Variants in XPO4 observed in about 807,000 individuals in gnomAD.
XPO4 encodes the protein exportin-4.
Under a neutral mutation model 143.0 loss-of-function variants are expected in XPO4, and 39 were observed. The ratio of observed to expected loss-of-function variants is 0.27; its 90% CI spans 0.21 to 0.36. The LOEUF (loss-of-function observed/expected upper bound fraction) is 0.36, where lower values mean the gene tolerates loss of function less well. Among genes scored for constraint, XPO4 ranks in the 10% least tolerant of loss-of-function variants. XPO4 has a pLI of 1.00. For synonymous variants in XPO4, 439 were observed against 474.0 expected (o/e 0.93, Z 0.96); for missense variants, 907 against 1,348.0 (o/e 0.67, Z 5.12).
intron 22 of XPO4, among the ~76,000 whole-genome samples, chr13:20,784,970 T>C (rs1302241707): frequency 2.0e-5 from 3 of 152,022 alleles, no homozygotes; most frequent in Non-Finnish European, 2.9e-5. Context: ...TGGGTTCAAG[T>C]GATCCTCCTA....
At chr13:20,896,452 T>A (rs1255747172) in intron 1 of XPO4, among the ~76,000 whole-genome samples, 1 of 152,216 alleles carries the variant, frequency 6.6e-6, no homozygotes, top group Non-Finnish European at 1.5e-5. Flanking sequence ...AAATGGTGCA[T>A]GTTTCTTATC....
chr13:20,852,585 T>C, intron 4 of XPO4: 1 of 979,534 alleles, frequency 1.0e-6, no homozygotes, highest in Non-Finnish European at 1.2e-6. Context: ...TATTTGGTAA[T>C]ATTATATTTG....
intron 6 of XPO4, among the ~76,000 whole-genome samples, chr13:20,841,701 GGAA>G (rs1169332307): frequency 6.6e-6 from 1 of 151,902 alleles, no homozygotes; most frequent in Non-Finnish European, 1.5e-5. Flanking sequence ...AAGTTTAAAT[GGAA>G]GAAGGAGTTA....
chr13:20,853,354 A>T (rs2060110126), intron 4 of XPO4, among the ~76,000 whole-genome samples: 1 of 151,136 alleles, frequency 6.6e-6, no homozygotes, highest in Non-Finnish European at 1.5e-5. Context: ...AAAAAAAAAT[A>T]GCTTCCTACC....
intron 1 of XPO4, among the ~76,000 whole-genome samples, chr13:20,895,849 T>C (rs2060564024): frequency 6.6e-6 from 1 of 152,180 alleles, no homozygotes; most frequent in Non-Finnish European, 1.5e-5. Flanking sequence ...AAGAGTTCCA[T>C]AAAATTCCAT....
chr13:20,827,260 A>G lies in XPO4; in HGVS notation c.728-81T>C, dbSNP rs899860612. On this transcript the variant is annotated intron_variant, in intron 6 of 22. Transcript: ENST00000255305. ...GTATATCCTAAATATAACAGGAGCC[A>G]TCTAGAAAGAATTTGTAATGGTAAC... 7.1e-6 allele frequency: 7 copies of G among 987,368 alleles called. No homozygotes were observed. In the African/African-American group the frequency reaches 1.1e-4, roughly 16 times the overall value. The allele number at this position is 987,368 out of a possible 1,614,324, so 61.2% of individuals were successfully genotyped here. A position where few individuals can be genotyped will look rare whatever the true frequency, so the allele number is the denominator to read the frequency against.
intron 16 of XPO4, among the ~76,000 whole-genome samples, chr13:20,798,673 T>C (rs910846984): frequency 1.3e-5 from 2 of 151,908 alleles, no homozygotes; most frequent in African/African-American, 4.8e-5. Flanking sequence ...AAGACAACAT[T>C]TGTAAAATAA....
intron 4 of XPO4, among the ~76,000 whole-genome samples, chr13:20,853,658 A>G (rs1392332588): frequency 6.6e-6 from 1 of 152,246 alleles, no homozygotes; most frequent in Non-Finnish European, 1.5e-5. Context: ...ATTAAATTTC[A>G]CAATACTAAG....
intron 1 of XPO4, 106 bp from the exon 2 acceptor site, chr13:20,868,807 C>T (rs2060266347): frequency 4.6e-6 from 4 of 877,728 alleles, no homozygotes; most frequent in Admixed American, 2.7e-5. Flanking sequence ...TTTTGGGGGG[C>T]AAGAGGAACA....
At chr13:20,868,442 T>C (rs2138134349) in intron 2 of XPO4, 154 bp downstream of exon 2, 1 of 1,191,634 alleles carries the variant, frequency 8.4e-7, no homozygotes. Context: ...CAGAATATCT[T>C]TAAAGCTACT....
chr13:20,846,295 A>G (rs2060028335), intron 4 of XPO4, among the ~76,000 whole-genome samples: 1 of 152,234 alleles, frequency 6.6e-6, no homozygotes, highest in Admixed American at 6.5e-5. Context: ...TTTCACATGA[A>G]ACAAACATTT....
At position 20,839,339 on chromosome 13, in the gene XPO4, T is replaced by C. The variant is rs1360848716; in HGVS notation, c.727+3556A>G. ...GCTATGTCTAGAATAGGTAAATGCA[T>C]AGACAGAAAGTGGTTGCTACGGACT... On this transcript the variant is annotated intron_variant, in intron 6 of 22. Coordinates refer to ENST00000255305, the MANE Select transcript of XPO4 (RefSeq NM_022459.5). Among the ~76,000 whole-genome samples the C allele has an allele frequency of 4.7e-4, 71 of 152,196 alleles. 1 individual carries two copies. Among genetic ancestry groups the C allele is most frequent in the Admixed American group, 4.6e-3 (71 of 15,278 alleles).
At position 20,800,147 on chromosome 13, in the gene XPO4, T is replaced by C. The variant is rs1176616291; in HGVS notation, c.2147+9A>G. The C allele has an allele frequency of 6.2e-7, 1 of 1,613,628 alleles. No individual in the cohort carries two copies. The highest frequency in any genetic ancestry group is 1.7e-5 in the Admixed American group (1 of 59,986). ...TACACACACAGTCAGCCTCCAACAA[T>C]GGGCTAACCTTTCTCTTCTTTCCAC... is the stretch of plus-strand genomic sequence containing the variant. On this transcript the variant is annotated intron_variant, in intron 15 of 22. Coordinates refer to ENST00000255305, the MANE Select transcript of XPO4 (RefSeq NM_022459.5).
chr13:20,887,994 G>A (rs999558652), intron 1 of XPO4, among the ~76,000 whole-genome samples: 3 of 151,868 alleles, frequency 2.0e-5, no homozygotes, highest in African/African-American at 7.3e-5. Context: ...GGCCAACATG[G>A]CAAAACCCTG....
At chr13:20,865,181 G>A (rs961400151) in intron 2 of XPO4, among the ~76,000 whole-genome samples, 4 of 146,636 alleles carry the variant, frequency 2.7e-5, no homozygotes. Flanking sequence ...TCTTGTTACT[G>A]AGACTAGAAT....
In XPO4 at chr13:20,848,649, C is replaced by T. The variant is rs897378877; in HGVS notation, c.457-4763G>A. On this transcript the variant is annotated intron_variant, in intron 4 of 22. Coordinates refer to ENST00000255305, the MANE Select transcript of XPO4 (RefSeq NM_022459.5). ...GTGTTACACCACTTAAAAAACAGAG[C>T]TATAACTGAAGCTGTATCACTAAAG... 8 of 985,128 alleles carry T rather than the reference C, an allele frequency of 8.1e-6. No homozygotes were observed. In the African/African-American group the frequency reaches 1.4e-4, roughly 17 times the overall value. 61.0% of individuals were successfully genotyped at this position (985,128 alleles called of 1,614,324 possible). A position where few individuals can be genotyped will look rare whatever the true frequency, so the allele number is the denominator to read the frequency against.
intron 9 of XPO4, among the ~76,000 whole-genome samples, chr13:20,819,095 T>C (rs1274333477): frequency 6.6e-6 from 1 of 152,216 alleles, no homozygotes; most frequent in Non-Finnish European, 1.5e-5. Context: ...AGTACTGGGA[T>C]TACAGGCGTG....
At chr13:20,815,470 A>C (rs761068484) in intron 9 of XPO4, among the ~76,000 whole-genome samples, 1 of 152,182 alleles carries the variant, frequency 6.6e-6, no homozygotes, top group Non-Finnish European at 1.5e-5. Flanking sequence ...CTAAAATATA[A>C]AAAGTCTTTA....
At chr13:20,797,931 C>T (rs2059380133) in intron 16 of XPO4, among the ~76,000 whole-genome samples, 1 of 152,156 alleles carries the variant, frequency 6.6e-6, no homozygotes, top group African/African-American at 2.4e-5. Flanking sequence ...GGGCGGATCA[C>T]TTGAGGTCAG....
Sources: allele counts gnomAD v4.1 joint callset (sites outside exome capture counted in the v4.1 genomes callset), GRCh38; gene constraint gnomAD v4.1.1; transcripts MANE v1.5; gene names NCBI Gene and HGNC (gene_info 2026-07-23, HGNC 2026-07-21).